Variants in CDYL observed in about 807,000 individuals in gnomAD.
CDYL encodes the protein chromodomain Y-like protein.
In CDYL, 8 loss-of-function variants were observed where a neutral mutation model predicts 47.3. The ratio of observed to expected loss-of-function variants is 0.17; its 90% CI spans 0.10 to 0.31. The LOEUF is 0.31. Among genes scored for constraint, CDYL ranks in the 10% least tolerant of loss-of-function variants. The pLI is 1.00. For missense variants in CDYL, 471 were observed against 701.4 expected (o/e 0.67, Z 3.71); for synonymous variants, 266 against 265.0 (o/e 1.00, Z -0.04).
Position 4,760,197 on chromosome 6 carries a change from G to A in CDYL, c.186+25353G>A, listed in dbSNP as rs145099332. On this transcript the variant is annotated intron_variant, in intron 3 of 8. Coordinates refer to the CDYL transcript ENST00000328908. ...CAGTGTTCCATAAATATTTATAGCA[G>A]GAATGCCCCAGTCCAAAGTGGATGG... Among the ~76,000 whole-genome samples the A allele has an allele frequency of 2.0e-3, 307 of 151,966 alleles. 3 individuals carry two copies. The highest frequency in any genetic ancestry group is 6.8e-3 in the African/African-American group (282 of 41,476).
intron 1 of CDYL, among the ~76,000 whole-genome samples, chr6:4,842,153 A>G (rs1019996301): frequency 1.4e-5 from 2 of 143,976 alleles, no homozygotes; most frequent in African/African-American, 5.1e-5. Context: ...TTACTTATAT[A>G]TTATAAATAT....
chr6:4,928,375 T>G (rs1757940910), intron 2 of CDYL, among the ~76,000 whole-genome samples: 1 of 152,208 alleles, frequency 6.6e-6, no homozygotes. Context: ...TAGTTCAGGA[T>G]TATGGATGTT....
At chr6:4,811,600 A>T (rs559065387) in intron 1 of CDYL, among the ~76,000 whole-genome samples, 1 of 149,766 alleles carries the variant, frequency 6.7e-6, no homozygotes, top group South Asian at 2.1e-4. Flanking sequence ...GTACTCAATG[A>T]CATTATTCTT....
chr6:4,849,221 T>C (rs1760749788), intron 1 of CDYL, among the ~76,000 whole-genome samples: 1 of 152,170 alleles, frequency 6.6e-6, no homozygotes, highest in Non-Finnish European at 1.5e-5. Flanking sequence ...CCAACATGTA[T>C]AAAGCAACAT....
intron 1 of CDYL, chr6:4,836,020 C>G (rs1760293429): frequency 6.5e-6 from 1 of 153,666 alleles, no homozygotes; most frequent in Non-Finnish European, 1.4e-5. Context: ...TCCCTGACCC[C>G]TTGCACTTCC....
chr6:4,841,049 T>C (rs1760475273), intron 1 of CDYL, among the ~76,000 whole-genome samples: 1 of 152,188 alleles, frequency 6.6e-6, no homozygotes, highest in South Asian at 2.1e-4. Context: ...CCTGGACTTT[T>C]TTTTGTTGGC....
At chr6:4,850,640 A>C (rs1760795106) in intron 1 of CDYL, among the ~76,000 whole-genome samples, 1 of 152,214 alleles carries the variant, frequency 6.6e-6, no homozygotes, top group African/African-American at 2.4e-5. Flanking sequence ...TTGTGATAAC[A>C]GTGTGGATCA....
At chr6:4,717,471 G>A (rs1472345923) in intron 2 of CDYL, among the ~76,000 whole-genome samples, 1 of 151,864 alleles carries the variant, frequency 6.6e-6, no homozygotes, top group Non-Finnish European at 1.5e-5. Context: ...CTGAGGTGAG[G>A]GGATCTCTTG....
intron 1 of CDYL, among the ~76,000 whole-genome samples, chr6:4,882,580 T>G (rs776985646): frequency 4.6e-5 from 7 of 152,170 alleles, no homozygotes; most frequent in African/African-American, 9.7e-5. Context: ...CTGGTTCTTT[T>G]GGGAGAAGAA....
At chr6:4,729,739 G>T (rs551072790) in intron 2 of CDYL, among the ~76,000 whole-genome samples, 1 of 152,186 alleles carries the variant, frequency 6.6e-6, no homozygotes, top group Non-Finnish European at 1.5e-5. Context: ...GCAACAGGGT[G>T]AAATCCTGTC....
At chr6:4,724,235 G>C (rs1312893786) in intron 2 of CDYL, among the ~76,000 whole-genome samples, 2 of 151,636 alleles carry the variant, frequency 1.3e-5, no homozygotes, top group Admixed American at 6.6e-5. Context: ...TTTAAGTAGA[G>C]ACAGGGTTTC....
chr6:4,825,304 C>T (rs1459221993), intron 1 of CDYL, among the ~76,000 whole-genome samples: 3 of 152,080 alleles, frequency 2.0e-5, no homozygotes, highest in African/African-American at 4.8e-5. Context: ...TAGTAGCATT[C>T]CTGTGGATTT....
chr6:4,900,779 G>GTGTGTGTATGTATATATA, intron 2 of CDYL, among the ~76,000 whole-genome samples: 1 of 51,720 alleles, frequency 1.9e-5, no homozygotes, highest in East Asian at 6.0e-4. Flanking sequence ...GTATACGTGT[G>GTGTGTGTATGTATATATA]TATATATATA....
intron 5 of CDYL, 55 bp from the exon 6 acceptor site, chr6:4,952,211 T>G: frequency 6.3e-7 from 1 of 1,580,572 alleles, no homozygotes; most frequent in Admixed American, 1.8e-5. Context: ...GGGATGGGTC[T>G]TCCCCGCCCG....
exon 3 of CDYL, chr6:4,734,805 C>T (rs1217004999): frequency 2.5e-6 from 4 of 1,614,146 alleles, no homozygotes; most frequent in Non-Finnish European, 3.4e-6. Context: ...TCTCCGTGAG[C>T]AGTGAGCAAA....
intron 3 of CDYL, among the ~76,000 whole-genome samples, chr6:4,745,592 TAA>T (rs5873950): frequency 6.0e-5 from 9 of 151,144 alleles, no homozygotes; most frequent in South Asian, 2.1e-4. Flanking sequence ...AAATAAAAAT[TAA>T]AAAAAAAAAG....
At chr6:4,878,693 A>G (rs913120096) in intron 1 of CDYL, among the ~76,000 whole-genome samples, 2 of 152,094 alleles carry the variant, frequency 1.3e-5, no homozygotes, top group African/African-American at 2.4e-5. Context: ...ACTTAGGGCT[A>G]TATCAATTTA....
intron 1 of CDYL, among the ~76,000 whole-genome samples, chr6:4,889,618 G>T (rs114733536): frequency 3.0e-4 from 46 of 152,144 alleles, no homozygotes; most frequent in African/African-American, 9.6e-4. Context: ...TAGATAGAGG[G>T]TTTTTTTGTT....
At chr6:4,831,885 T>C (rs1760155344) in intron 1 of CDYL, among the ~76,000 whole-genome samples, 4 of 152,096 alleles carry the variant, frequency 2.6e-5, no homozygotes, top group African/African-American at 7.2e-5. Flanking sequence ...TTGTCTGTTA[T>C]TGGTGTATAA....
Sources: gnomAD v4.1 joint callset for allele counts (sites outside exome capture counted in the v4.1 genomes callset) on GRCh38, gnomAD v4.1.1 for gene constraint, MANE v1.5 for transcripts, NCBI Gene and HGNC (gene_info 2026-07-23, HGNC 2026-07-21) for gene names.